Variants in MARK2 observed in about 807,000 individuals in gnomAD.
MARK2 encodes serine/threonine-protein kinase MARK2.
A neutral mutation model predicts 89.8 loss-of-function variants in MARK2; 16 were observed. That is an observed-to-expected ratio of 0.18 (90% CI 0.12 to 0.27). The LOEUF is 0.27. Among genes scored for constraint, MARK2 ranks in the 10% least tolerant of loss-of-function variants. The pLI, the probability that MARK2 is intolerant of heterozygous loss-of-function variation, is 1.00. For missense variants in MARK2, 621 were observed against 1,049.9 expected (o/e 0.59, Z 5.65); for synonymous variants, 382 against 399.5 (o/e 0.96, Z 0.52).
intron 1 of MARK2, chr11:63,890,445 C>G (rs1939751191): frequency 2.6e-6 from 1 of 383,848 alleles, no homozygotes; most frequent in Non-Finnish European, 5.0e-6. Flanking sequence ...AACCTCCTCT[C>G]TTTCCCTGTC....
intron 1 of MARK2, among the ~76,000 whole-genome samples, chr11:63,859,649 C>T (rs78767431): frequency 2.7e-5 from 4 of 147,572 alleles, no homozygotes; most frequent in East Asian, 2.0e-4. Flanking sequence ...TTTTTTTTTT[C>T]GAGACAGAGT....
chr11:63,848,506 C>T (rs2016390615), intron 1 of MARK2, among the ~76,000 whole-genome samples: 1 of 151,952 alleles, frequency 6.6e-6, no homozygotes, highest in Non-Finnish European at 1.5e-5. Flanking sequence ...CCTTAGCCTC[C>T]CAAGTAGCTG....
rs1463028202 is a variant in MARK2, at chr11:63,902,726, C to A, written c.1360C>A (p.Pro454Thr). The change falls in exon 13 of 19, where the codon CCT becomes ACT. Residue 454 changes from proline (P) to threonine (T), a missense_variant. Pro to Thr is a conservative substitution (Grantham distance 38, BLOSUM62 -1). This residue lies in a region of MARK2 where 397 missense variants were observed against 567.8 expected (regional missense o/e 0.70). Coordinates refer to ENST00000402010, the MANE Select transcript of MARK2 (RefSeq NM_001039469.3). This position sits in a 1 kb window ranked among gnomAD's most constrained non-coding sequence, Gnocchi z 4.2. The stretch of plus-strand genomic sequence containing the variant: ...GAAAGCCAGCAGCACAGCCAAGGTG[C>A]CTGCCAGCCCCCTGCCCGGTCTGGA... ...GRKASSTAKV[P>T]ASPLPGLERK... 1 of 1,613,992 alleles carries A rather than the reference C, an allele frequency of 6.2e-7. No individual in the cohort carries two copies. Among genetic ancestry groups the A allele is most frequent in the South Asian group, 1.1e-5 (1 of 91,080 alleles).
chr11:63,904,475 C>T lies in MARK2; in HGVS notation c.1677-311C>T, dbSNP rs558616597. On this transcript the variant is annotated intron_variant, in intron 15 of 18. Transcript: ENST00000402010. The surrounding 1 kb of genome is among the most constrained non-coding windows in gnomAD (Gnocchi z 6.3). Reference sequence around the variant, plus strand: ...AGGGACTCAATCCTCAAGGGTTGGTCCCCATTGCCGCCTTGAGGGTCCAGT... The same window carrying T: ...AGGGACTCAATCCTCAAGGGTTGGTTCCCATTGCCGCCTTGAGGGTCCAGT... Among the ~76,000 whole-genome samples, 48 of 151,720 alleles carry T rather than the reference C, an allele frequency of 3.2e-4. No individual in the cohort carries two copies. The highest frequency in any genetic ancestry group is 7.9e-4 in the Admixed American group (12 of 15,200).
At chr11:63,881,510 G>A (rs188779932) in intron 1 of MARK2, among the ~76,000 whole-genome samples, 10 of 152,278 alleles carry the variant, frequency 6.6e-5, no homozygotes, top group Middle Eastern at 3.4e-3. Context: ...TCAAAAAGTT[G>A]TGCCTCTCTT....
chr11:63,861,739 T>TG lies in MARK2; in HGVS notation c.54+22179_54+22180insG, dbSNP rs1220077553. 5.3e-4 allele frequency among the ~76,000 whole-genome samples: 59 copies of TG among 112,084 alleles called. No individual in the cohort carries two copies. In the East Asian group the frequency reaches 0.025, roughly 48 times the overall value. The allele number at this position is 112,084 out of a possible 152,430, so 73.5% of individuals were successfully genotyped here. ...GTTTTACATTCATTAACTCATTTACTCTTTTTTTTTTTTTTTTTTGAGACA... is the reference window on the plus strand; with the variant it reads ...GTTTTACATTCATTAACTCATTTACTGCTTTTTTTTTTTTTTTTTTGAGACA... On this transcript the variant is annotated intron_variant, in intron 1 of 18. Coordinates refer to ENST00000402010, the MANE Select transcript of MARK2 (RefSeq NM_001039469.3).
chr11:63,897,918 A>C (rs1176755291), intron 3 of MARK2, among the ~76,000 whole-genome samples: 1 of 152,154 alleles, frequency 6.6e-6, no homozygotes, highest in Non-Finnish European at 1.5e-5. Context: ...ACACGGGCTC[A>C]CACTCCCTCC....
chr11:63,839,377 C>G lies in MARK2; in HGVS notation c.-130C>G. On this transcript the variant is annotated 5_prime_UTR_variant, in exon 1 of 19. Coordinates refer to ENST00000402010, the MANE Select transcript of MARK2 (RefSeq NM_001039469.3). ...TGGCGTGAGCGGCTGCCCGGCCTCC[C>G]CGCACCCCCGGCCGGGGCCCATGCG... 1.7e-6 allele frequency: 1 copy of G among 584,124 alleles called. No individual in the cohort carries two copies. The allele number at this position is 584,124 out of a possible 1,614,324, so 36.2% of individuals were successfully genotyped here.
At chr11:63,847,204 T>C (rs1292440602) in intron 1 of MARK2, among the ~76,000 whole-genome samples, 1 of 152,224 alleles carries the variant, frequency 6.6e-6, no homozygotes, top group Admixed American at 6.5e-5. Context: ...TTCCCCCTAC[T>C]TGCAGTTATT....
chr11:63,909,298 G>A lies in MARK2; in HGVS notation c.*61G>A, dbSNP rs539595398. On this transcript the variant is annotated 3_prime_UTR_variant, in exon 19 of 19. Transcript: ENST00000402010. ...AGCTGGACGGGCTGCCGGCCGCTGC[G>A]CCGCCCCACCTGGGCGAGACTGCAG... The A allele has an allele frequency of 2.7e-5, 40 of 1,470,070 alleles. 2 individuals carry two copies. The South Asian group carries it at 4.8e-4, about 18-fold the overall frequency. The allele number at this position is 1,470,070 out of a possible 1,614,324, so 91.1% of individuals were successfully genotyped here.
chr11:63,846,873 G>T (rs1306782010), intron 1 of MARK2, among the ~76,000 whole-genome samples: 1 of 152,086 alleles, frequency 6.6e-6, no homozygotes, highest in Non-Finnish European at 1.5e-5. Context: ...AGCCAGGATG[G>T]TCTCGATCTT....
intron 1 of MARK2, among the ~76,000 whole-genome samples, chr11:63,886,872 G>A (rs1160172331): frequency 6.6e-6 from 1 of 152,238 alleles, no homozygotes; most frequent in African/African-American, 2.4e-5. Context: ...ACATTGCAAA[G>A]CCCTAGAAAA....
At chr11:63,857,751 T>G (rs917854037) in intron 1 of MARK2, among the ~76,000 whole-genome samples, 4 of 152,192 alleles carry the variant, frequency 2.6e-5, no homozygotes, top group Admixed American at 1.3e-4. Context: ...TTTTTCAAAA[T>G]GCAAAGAGTC....
rs901104364 is a variant in MARK2 at position 63,906,130 on chromosome 11, G to A, written c.1961+16G>A. 32 of 1,232,100 alleles carry A rather than the reference G, an allele frequency of 2.6e-5. No individual in the cohort carries two copies. The highest frequency in any genetic ancestry group is 1.1e-4 in the Admixed American group (2 of 17,508). 76.3% of individuals were successfully genotyped at this position (1,232,100 alleles called of 1,614,324 possible). ...TTGCCAGAAGGTAGGCGTTGAGCCC[G>A]CTGTGTGTGTGTGTGTGTGTGTGTG... On this transcript the variant is annotated intron_variant, in intron 17 of 18. Coordinates refer to ENST00000402010, the MANE Select transcript of MARK2 (RefSeq NM_001039469.3).
intron 1 of MARK2, among the ~76,000 whole-genome samples, chr11:63,889,519 G>T (rs1251050718): frequency 6.6e-6 from 1 of 152,220 alleles, no homozygotes; most frequent in African/African-American, 2.4e-5. Context: ...CTGAGTCAGC[G>T]CCAGGCCTCT....
intron 1 of MARK2, among the ~76,000 whole-genome samples, chr11:63,865,346 C>T (rs1335858152): frequency 6.6e-6 from 1 of 152,166 alleles, no homozygotes; most frequent in African/African-American, 2.4e-5. Flanking sequence ...TCAAGCGACC[C>T]TCCCACCTCA....
chr11:63,854,812 CA>C (rs56392948), intron 1 of MARK2, among the ~76,000 whole-genome samples: 73,280 of 117,176 alleles, frequency 0.63, 20,962 homozygotes, highest in East Asian at 0.9. Context: ...GACACCATCC[CA>C]AAAAAAAAAA....
At chr11:63,889,456 A>T (rs549443639) in intron 1 of MARK2, among the ~76,000 whole-genome samples, 1 of 152,190 alleles carries the variant, frequency 6.6e-6, no homozygotes, top group Admixed American at 6.5e-5. Context: ...GAGCTTCTCC[A>T]TGGGACAACT....
intron 1 of MARK2, among the ~76,000 whole-genome samples, chr11:63,858,826 A>G (rs1288071539): frequency 6.6e-6 from 1 of 152,164 alleles, no homozygotes; most frequent in Non-Finnish European, 1.5e-5. Context: ...TGACCTCATA[A>G]TGAGCCTCTG....
Sources: allele counts gnomAD v4.1 joint callset (sites outside exome capture counted in the v4.1 genomes callset), GRCh38; gene constraint gnomAD v4.1.1; regional missense constraint gnomAD v4.1.1; non-coding constraint Gnocchi (gnomAD v3.1); transcripts MANE v1.5; gene names NCBI Gene and HGNC (gene_info 2026-07-23, HGNC 2026-07-21).